HPS3: variants seen among roughly 807,000 people sequenced by gnomAD.
HPS3 encodes BLOC-2 complex member HPS3.
Under a neutral mutation model 110.9 loss-of-function variants are expected in HPS3, and 79 were observed. That is an observed-to-expected ratio of 0.71 (90% confidence interval 0.59 to 0.86). The LOEUF is 0.86. HPS3 is among the 40% of genes least tolerant of loss of function. HPS3 has a pLI of 0.00. For missense variants in HPS3, 1,197 were observed against 1,206.2 expected, an observed-to-expected ratio of 0.99 and a Z score of 0.11; for synonymous variants, 428 against 451.0, an observed-to-expected ratio of 0.95 and a Z score of 0.65.
intron 14 of HPS3, among the ~76,000 whole-genome samples, chr3:149,165,067 TA>T (rs1333399322): frequency 6.6e-6 from 1 of 152,192 alleles, no homozygotes; most frequent in Non-Finnish European, 1.5e-5. Flanking sequence ...TGTGCTTCTT[TA>T]AAAAATAACC....
rs183218623 is a variant in HPS3, at chr3:149,171,862, G to A, written c.2888-233G>A. ...TAGGATTACAGGTGTGCGCCACCAT[G>A]CCCGGCTAATTTTTTTGTATTTTTA... On this transcript the variant is annotated intron_variant, in intron 16 of 16. Transcript: ENST00000296051. Among the ~76,000 whole-genome samples the A allele has an allele frequency of 3.4e-4, 52 of 152,038 alleles. No homozygotes were observed. The East Asian group carries it at 8.5e-3, about 25-fold the overall frequency.
chr3:149,138,559 A>G (rs1295448143), intron 1 of HPS3, among the ~76,000 whole-genome samples: 2 of 152,228 alleles, frequency 1.3e-5, no homozygotes, highest in Non-Finnish European at 2.9e-5. Flanking sequence ...AAGGAGGAAA[A>G]GATACATATA....
At chr3:149,154,996 A>G (rs930647745) in intron 7 of HPS3, 111 bp from the exon 8 acceptor site, 10 of 713,904 alleles carry the variant, frequency 1.4e-5, no homozygotes, top group Non-Finnish European at 2.3e-5. Context: ...ACTGAGGAAA[A>G]TAGTAAATGA....
chr3:149,167,182 AGAG>A lies in HPS3; in HGVS notation c.2739_2741del (p.Arg914del). The A allele has an allele frequency of 6.2e-7, 1 of 1,613,954 alleles. No homozygotes were observed. The highest frequency in any genetic ancestry group is 8.5e-7 in the Non-Finnish European group (1 of 1,179,850). On this transcript the variant is annotated inframe_deletion, in exon 15 of 17. Transcript: ENST00000296051. ...GAACAGTGCATAGACATACTGTTAGAGAGATGCCCGGAGGCAGTCATTCCATAT... is the reference window on the plus strand; with the variant it reads ...GAACAGTGCATAGACATACTGTTAGAATGCCCGGAGGCAGTCATTCCATAT...
intron 1 of HPS3, among the ~76,000 whole-genome samples, chr3:149,136,834 T>C (rs1248743937): frequency 3.3e-5 from 5 of 152,218 alleles, no homozygotes; most frequent in African/African-American, 4.8e-5. Flanking sequence ...AATATATGAA[T>C]TTTATAGATG....
At position 149,158,940 on chromosome 3, in the gene HPS3, T is replaced by A. The variant is rs1576687710; in HGVS notation, c.1872+94T>A. 4.6e-6 allele frequency: 4 copies of A among 878,556 alleles called. No homozygotes were observed. In the East Asian group the frequency reaches 1.1e-4, roughly 23 times the overall value. 54.4% of individuals were successfully genotyped at this position (878,556 alleles called of 1,614,324 possible). ...TACTGTTTAGAAGTCAGATTCCAAA[T>A]ATTTTTCTTCTTTGATACTCTTTTT... On this transcript the variant is annotated intron_variant, in intron 10 of 16. Transcript: ENST00000296051.
chr3:149,162,929 AAAAAC>A (rs1291564856), intron 13 of HPS3, 51 bp downstream of exon 13: 1 of 1,363,506 alleles, frequency 7.3e-7, no homozygotes, highest in South Asian at 1.2e-5. Context: ...TGCCCATTAC[AAAAAC>A]ATACCTTATT....
At position 149,172,923 on chromosome 3, in the gene HPS3, T is replaced by G. The variant is rs998520940; in HGVS notation, c.*701T>G. On this transcript the variant is annotated 3_prime_UTR_variant, in exon 17 of 17. Transcript: ENST00000296051. ...TGTACTCTTGCTCTTTTAGCTAGAG[T>G]GTATGTGAAAATAAAGAAATACATC... 1 of 152,642 alleles carries G rather than the reference T, an allele frequency of 6.6e-6. No individual in the cohort carries two copies. The highest frequency in any genetic ancestry group is 1.5e-5 in the Non-Finnish European group (1 of 68,040). The allele number at this position is 152,642 out of a possible 1,614,324, so 9.5% of individuals were successfully genotyped here. A position where few individuals can be genotyped will look rare whatever the true frequency, so the allele number is the denominator to read the frequency against.
At chr3:149,134,524 G>C (rs1721964738) in intron 1 of HPS3, among the ~76,000 whole-genome samples, 1 of 152,214 alleles carries the variant, frequency 6.6e-6, no homozygotes, top group African/African-American at 2.4e-5. Context: ...TTACCTGTCG[G>C]ATCCTTGGAT....
intron 6 of HPS3, among the ~76,000 whole-genome samples, chr3:149,152,463 C>G (rs1723190287): frequency 6.6e-6 from 1 of 152,112 alleles, no homozygotes; most frequent in Non-Finnish European, 1.5e-5. Flanking sequence ...AGGTATGCTG[C>G]CCTTGAGGCC....
chr3:149,130,850 G>T (rs1157144127), intron 1 of HPS3, among the ~76,000 whole-genome samples: 1 of 152,036 alleles, frequency 6.6e-6, no homozygotes, highest in African/African-American at 2.4e-5. Context: ...ATACTGTGTG[G>T]GTGAATCCTA....
chr3:149,157,240 A>G (rs1723511229), intron 8 of HPS3, 110 bp from the exon 9 acceptor site: 1 of 978,758 alleles, frequency 1.0e-6, no homozygotes, highest in South Asian at 1.4e-5. Context: ...TTTAGGGTTT[A>G]ATATGTCCAA....
chr3:149,163,323 G>T (rs1377048148), intron 13 of HPS3, among the ~76,000 whole-genome samples: 1 of 152,160 alleles, frequency 6.6e-6, no homozygotes, highest in South Asian at 2.1e-4. Context: ...TACAGGAGCT[G>T]TTCTGTGGCA....
At chr3:149,144,340 G>A (rs1287296811) in intron 4 of HPS3, among the ~76,000 whole-genome samples, 1 of 152,112 alleles carries the variant, frequency 6.6e-6, no homozygotes, top group African/African-American at 2.4e-5. Context: ...CCGAGATCGT[G>A]CCACTGCACT....
At chr3:149,155,558 A>G (rs1723409089) in intron 8 of HPS3, among the ~76,000 whole-genome samples, 2 of 152,174 alleles carry the variant, frequency 1.3e-5, no homozygotes, top group East Asian at 1.9e-4. Context: ...AAATAAATCT[A>G]GGATTATGTA....
At chr3:149,130,027 GC>G (rs1208508178) in intron 1 of HPS3, 87 bp downstream of exon 1, 2 of 1,281,020 alleles carry the variant, frequency 1.6e-6, no homozygotes, top group East Asian at 5.1e-5. Context: ...TGTAGCTCTA[GC>G]TAGGGATGGG....
intron 4 of HPS3, among the ~76,000 whole-genome samples, chr3:149,144,214 G>GA (rs59146279): frequency 0.41 from 50,311 of 123,380 alleles, 10,037 homozygotes; most frequent in South Asian, 0.57. Context: ...GTCTCTACTA[G>GA]AAAAAAAAAA....
rs143804526 is a variant in HPS3 at position 149,158,781 on chromosome 3, G to C, written c.1807G>C (p.Glu603Gln). ...AGTAGAGGATGGATTACAGAAATAC[G>C]AGAGAGGATTAATCTTTTACATTAA... ...WTVEDGLQKY[E>Q]RGLIFYINHS... is the part of the protein sequence containing the mutation. The change falls in exon 10 of 17, where the codon GAG becomes CAG. Residue 603 changes from glutamate (E) to glutamine (Q), a missense_variant. By Grantham distance (29) the Glu-to-Gln change is conservative (BLOSUM62 2). Transcript: ENST00000296051. The C allele has an allele frequency of 2.1e-5, 34 of 1,610,218 alleles. No homozygotes were observed. The highest frequency in any genetic ancestry group is 2.7e-5 in the Non-Finnish European group (32 of 1,176,676).
chr3:149,134,395 A>G (rs1383885477), intron 1 of HPS3, among the ~76,000 whole-genome samples: 1 of 152,234 alleles, frequency 6.6e-6, no homozygotes, highest in Admixed American at 6.5e-5. Context: ...AAAGAAAGAC[A>G]GGGACAGACA....
Sources: gnomAD v4.1 joint callset for allele counts (sites outside exome capture counted in the v4.1 genomes callset) on GRCh38, gnomAD v4.1.1 for gene constraint, MANE v1.5 for transcripts, NCBI Gene and HGNC (gene_info 2026-07-23, HGNC 2026-07-21) for gene names.